ATP8B1: variants seen among roughly 807,000 people sequenced by gnomAD.
ATP8B1 encodes the protein ATPase phospholipid transporting 8B1.
A neutral mutation model predicts 149.9 loss-of-function variants in ATP8B1; 80 were observed. The ratio of observed to expected loss-of-function variants is 0.53; its 90% CI spans 0.45 to 0.64. The LOEUF (loss-of-function observed/expected upper bound fraction) is 0.64, where lower values mean the gene tolerates loss of function less well. ATP8B1 is among the 30% of genes least tolerant of loss of function. ATP8B1 has a pLI of 0.00. For synonymous variants in ATP8B1, 536 were observed against 562.8 expected (o/e 0.95, Z 0.67); for missense variants, 1,247 against 1,552.6 (o/e 0.80, Z 3.31).
At chr18:57,692,141 G>T in intron 11 of ATP8B1, 144 bp from the exon 12 acceptor site, 1 of 1,340,314 alleles carries the variant, frequency 7.5e-7, no homozygotes, top group Non-Finnish European at 1.0e-6. Flanking sequence ...AATAAAAACA[G>T]CACTATCATA....
intron 23 of ATP8B1, among the ~76,000 whole-genome samples, chr18:57,654,562 G>A (rs561573649): frequency 7.3e-5 from 11 of 151,036 alleles, no homozygotes; most frequent in East Asian, 4.0e-4. Context: ...CAGGTGACCC[G>A]CCCACCTCGG....
intron 22 of ATP8B1, among the ~76,000 whole-genome samples, chr18:57,658,627 T>TTGTGTGTG (rs71171058): frequency 0.013 from 1,925 of 145,070 alleles, 24 homozygotes; most frequent in African/African-American, 0.032. Context: ...AACAATTTCT[T>TTGTGTGTG]TGTGTGTGTG....
intron 5 of ATP8B1, 52 bp from the exon 6 acceptor site, chr18:57,701,152 A>G: frequency 6.2e-7 from 1 of 1,611,728 alleles, no homozygotes; most frequent in Non-Finnish European, 8.5e-7. Flanking sequence ...ATAGAGAAGG[A>G]AGGCACGAGA....
chr18:57,687,093 T>C (rs982116129), intron 13 of ATP8B1, among the ~76,000 whole-genome samples: 1 of 152,312 alleles, frequency 6.6e-6, no homozygotes, highest in Middle Eastern at 3.4e-3. Flanking sequence ...CCTCCCAAAG[T>C]GTTGTTATTA....
intron 15 of ATP8B1, among the ~76,000 whole-genome samples, chr18:57,681,066 T>C (rs145126876): frequency 6.6e-6 from 1 of 152,170 alleles, no homozygotes; most frequent in Non-Finnish European, 1.5e-5. Flanking sequence ...TCAGCTGACC[T>C]TAAAATAGAT....
In ATP8B1 at chr18:57,668,556, A is replaced by AAAAT. The variant is rs749723352; in HGVS notation, c.2098-17_2098-16insATTT. 29 of 1,437,452 alleles carry AAAAT rather than the reference A, an allele frequency of 2.0e-5. 1 individual carries two copies. In the Middle Eastern group the frequency reaches 1.7e-3, roughly 83 times the overall value. 89.0% of individuals were successfully genotyped at this position (1,437,452 alleles called of 1,614,324 possible). On this transcript the variant is annotated splice_polypyrimidine_tract_variant and intron_variant, in intron 18 of 27. Coordinates refer to ENST00000648908, the MANE Select transcript of ATP8B1 (RefSeq NM_001374385.1). ...CTCCCAGGAGCTAGAATGTATATTA[A>AAAAT]AAAAAAAAAAAAAAGGAATTAGCAA...
At position 57,661,330 on chromosome 18, in the gene ATP8B1, T is replaced by C; in HGVS notation, c.2551A>G (p.Lys851Glu). The part of the protein sequence containing the change: ...RLEAKKEQRQ[K>E]NFVDLACECS... ...TCGCAGGCCAGGTCCACAAAGTTTT[T>C]CTGCCGCTGCTCTTTCTTAGCTTCT... is the stretch of plus-strand genomic sequence containing the variant. The change falls in exon 22 of 28, where the codon AAA becomes GAA. Residue 851 changes from lysine to glutamate, a missense_variant. This residue lies in a region of ATP8B1 where 853 missense variants were observed against 1,035.7 expected (regional missense o/e 0.82). Coordinates refer to ENST00000648908, the MANE Select transcript of ATP8B1 (RefSeq NM_001374385.1). 1 of 1,614,072 alleles carries C rather than the reference T, an allele frequency of 6.2e-7. No homozygotes were observed. Among genetic ancestry groups the C allele is most frequent in the Non-Finnish European group, 8.5e-7 (1 of 1,180,022 alleles).
In ATP8B1 at chr18:57,647,756, T is replaced by G. The variant is rs929218129; in HGVS notation, c.*732A>C. ...GGACTTTTATTATTATTAAAAAATT[T>G]TTTTTGAGCTGGTGTCTCACTCTGT... On this transcript the variant is annotated 3_prime_UTR_variant, in exon 28 of 28. Transcript: ENST00000648908. 2 of 153,570 alleles carry G rather than the reference T, an allele frequency of 1.3e-5. No homozygotes were observed. The highest frequency in any genetic ancestry group is 2.9e-5 in the Non-Finnish European group (2 of 68,762). The allele number at this position is 153,570 out of a possible 1,614,324, so 9.5% of individuals were successfully genotyped here.
At chr18:57,724,219 G>A (rs1438690543) in intron 2 of ATP8B1, among the ~76,000 whole-genome samples, 1 of 146,500 alleles carries the variant, frequency 6.8e-6, no homozygotes, top group African/African-American at 2.5e-5. Flanking sequence ...AACACCAAAA[G>A]CAATGGCAAC....
At chr18:57,786,831 A>T (rs1337334164) in intron 1 of ATP8B1, among the ~76,000 whole-genome samples, 1 of 152,210 alleles carries the variant, frequency 6.6e-6, no homozygotes, top group Non-Finnish European at 1.5e-5. Context: ...GTTCATGAAA[A>T]CTAGAAACAC....
At chr18:57,794,198 T>C (rs1426246395) in intron 1 of ATP8B1, among the ~76,000 whole-genome samples, 1 of 152,174 alleles carries the variant, frequency 6.6e-6, no homozygotes, top group Admixed American at 6.5e-5. Context: ...TTTAAACACG[T>C]AAATCCTTAT....
chr18:57,785,164 C>T (rs2080394425), intron 1 of ATP8B1, among the ~76,000 whole-genome samples: 1 of 152,182 alleles, frequency 6.6e-6, no homozygotes, highest in Admixed American at 6.5e-5. Flanking sequence ...GTTATACTAA[C>T]CCCAAAATAC....
Position 57,791,346 on chromosome 18 carries a change from C to CT in ATP8B1, c.-26+11651dup, listed in dbSNP as rs1473257768. On this transcript the variant is annotated intron_variant, in intron 1 of 27. Coordinates refer to ENST00000648908, the MANE Select transcript of ATP8B1 (RefSeq NM_001374385.1). ...TTCCTTCCTTTTTTCTTTTTCTTTTCTTTTCTTTTTTTTTTTTTTTTTGAG... is the reference window on the plus strand; with the variant it reads ...TTCCTTCCTTTTTTCTTTTTCTTTTCTTTTTCTTTTTTTTTTTTTTTTTGAG... Among the ~76,000 whole-genome samples the CT allele has an allele frequency of 4.1e-3, 507 of 124,874 alleles. 9 individuals carry two copies. Among genetic ancestry groups the CT allele is most frequent in the African/African-American group, 0.014 (406 of 29,468 alleles). The allele number at this position is 124,874 out of a possible 152,430, so 81.9% of individuals were successfully genotyped here.
chr18:57,727,312 G>A (rs528521879), intron 2 of ATP8B1, among the ~76,000 whole-genome samples: 6 of 152,222 alleles, frequency 3.9e-5, no homozygotes, highest in South Asian at 4.1e-4. Flanking sequence ...GGTATGTGCC[G>A]AAAATGGAAA....
chr18:57,742,425 G>A (rs1327217142), intron 1 of ATP8B1, among the ~76,000 whole-genome samples: 13 of 152,254 alleles, frequency 8.5e-5, no homozygotes, highest in Middle Eastern at 3.4e-3. Context: ...CAGTATCACT[G>A]TGGTGGGGAC....
In ATP8B1 at chr18:57,741,483, C is replaced by G. The variant is rs149881003; in HGVS notation, c.-25-9651G>C. Reference sequence around the variant, plus strand: ...AATGCAGTGAATTTTGCAATCACTACATGAACTTGAAAGCAGATCCTTCCT... The same window carrying G: ...AATGCAGTGAATTTTGCAATCACTAGATGAACTTGAAAGCAGATCCTTCCT... On this transcript the variant is annotated intron_variant, in intron 1 of 27. Transcript: ENST00000648908. Among the ~76,000 whole-genome samples, 298 of 152,324 alleles carry G rather than the reference C, an allele frequency of 2.0e-3. 1 individual carries two copies. The highest frequency in any genetic ancestry group is 6.5e-3 in the African/African-American group (270 of 41,564).
chr18:57,677,902 A>G (rs1415647813), intron 15 of ATP8B1, among the ~76,000 whole-genome samples: 1 of 152,232 alleles, frequency 6.6e-6, no homozygotes, highest in Non-Finnish European at 1.5e-5. Flanking sequence ...AGTTCCCACA[A>G]GTAAGACACT....
intron 23 of ATP8B1, 119 bp from the exon 24 acceptor site, chr18:57,654,194 T>C (rs997668802): frequency 2.1e-6 from 2 of 941,444 alleles, no homozygotes; most frequent in Non-Finnish European, 3.3e-6. Flanking sequence ...TTAATAGAGA[T>C]GGGGGTCTTG....
chr18:57,800,696 G>T (rs1359336605), intron 1 of ATP8B1, among the ~76,000 whole-genome samples: 6 of 152,186 alleles, frequency 3.9e-5, no homozygotes, highest in Admixed American at 3.9e-4. Flanking sequence ...AATCCAAAGA[G>T]ATTGATAATA....
Sources: allele counts gnomAD v4.1 joint callset (sites outside exome capture counted in the v4.1 genomes callset), GRCh38; gene constraint gnomAD v4.1.1; regional missense constraint gnomAD v4.1.1; transcripts MANE v1.5; gene names NCBI Gene and HGNC (gene_info 2026-07-23, HGNC 2026-07-21).